The following VAV3 variants were observed in gnomAD, a reference collection of about 807,000 sequenced individuals.
The protein encoded by VAV3 is vav guanine nucleotide exchange factor 3.
Under a neutral mutation model 131.2 loss-of-function variants are expected in VAV3, and 94 were observed. The observed-to-expected ratio is 0.72, with a 90% CI of 0.61 to 0.85. VAV3 has a LOEUF of 0.85. VAV3 is among the 40% of genes least tolerant of loss of function. The probability of loss-of-function intolerance (pLI) is 0.00; values close to 1 mark genes in which losing one functional copy is unlikely to be tolerated. For synonymous variants in VAV3, 349 were observed against 342.0 expected (o/e 1.02, Z -0.22); for missense variants, 939 against 1,002.7 (o/e 0.94, Z 0.86).
Position 107,704,661 on chromosome 1 carries a change from A to G in VAV3, c.1605-11T>C. 1 of 1,605,046 alleles carries G rather than the reference A, an allele frequency of 6.2e-7. No homozygotes were observed. Among genetic ancestry groups the G allele is most frequent in the Non-Finnish European group, 8.5e-7 (1 of 1,173,312 alleles). On this transcript the variant is annotated splice_polypyrimidine_tract_variant and intron_variant, in intron 16 of 26. Transcript: ENST00000370056. Reference sequence around the variant, plus strand: ...TGATAAAATGTTCCCCTGAAAGGTGAAATAAGAAAGTGGTATATTAAACGG... The same window carrying G: ...TGATAAAATGTTCCCCTGAAAGGTGGAATAAGAAAGTGGTATATTAAACGG...
At chr1:107,582,829 T>A (rs1210062138) in intron 25 of VAV3, among the ~76,000 whole-genome samples, 1 of 152,178 alleles carries the variant, frequency 6.6e-6, no homozygotes, top group Non-Finnish European at 1.5e-5. Context: ...ACATTTGGGT[T>A]GGTTCCAAGT....
intron 15 of VAV3, among the ~76,000 whole-genome samples, chr1:107,710,211 T>C (rs559841102): frequency 2.6e-5 from 4 of 152,192 alleles, no homozygotes; most frequent in Non-Finnish European, 5.9e-5. Context: ...AGAACCAATT[T>C]ATGACATCAT....
chr1:107,579,022 G>GTAA (rs1649847376), intron 25 of VAV3, among the ~76,000 whole-genome samples: 2 of 152,142 alleles, frequency 1.3e-5, no homozygotes, highest in Admixed American at 1.3e-4. Context: ...AGGAATAAGG[G>GTAA]TAATACTTGA....
intron 12 of VAV3, among the ~76,000 whole-genome samples, chr1:107,751,477 G>A (rs969227751): frequency 3.3e-5 from 5 of 152,046 alleles, no homozygotes; most frequent in South Asian, 2.1e-4. Flanking sequence ...AGACTCAACC[G>A]GAAGGGTCCA....
chr1:107,590,932 T>C (rs1199663288), intron 25 of VAV3, among the ~76,000 whole-genome samples: 1 of 152,188 alleles, frequency 6.6e-6, no homozygotes, highest in East Asian at 1.9e-4. Context: ...TCAGTGGTCT[T>C]TTAAGACAAT....
intron 20 of VAV3, among the ~76,000 whole-genome samples, chr1:107,642,334 A>G (rs1276771024): frequency 1.3e-5 from 2 of 152,160 alleles, no homozygotes; most frequent in African/African-American, 4.8e-5. Flanking sequence ...CAGTTTACAA[A>G]TGCCATGGCA....
At chr1:107,840,812 A>G (rs933927291) in intron 2 of VAV3, among the ~76,000 whole-genome samples, 1 of 152,188 alleles carries the variant, frequency 6.6e-6, no homozygotes, top group Non-Finnish European at 1.5e-5. Context: ...AGACCAAGAT[A>G]TAAGTACAGC....
At chr1:107,836,908 A>T (rs555332215) in intron 2 of VAV3, among the ~76,000 whole-genome samples, 1 of 151,640 alleles carries the variant, frequency 6.6e-6, no homozygotes, top group South Asian at 2.1e-4. Context: ...CTGAAATTGA[A>T]TCAGTAATAA....
At chr1:107,722,840 C>CTCTTTTTTTT (rs371987024) in intron 15 of VAV3, among the ~76,000 whole-genome samples, 10 of 129,812 alleles carry the variant, frequency 7.7e-5, no homozygotes, top group East Asian at 4.5e-4. Context: ...ATTATCCTCT[C>CTCTTTTTTTT]TTTTTTTTTT....
At chr1:107,871,217 C>A (rs1670238651) in intron 2 of VAV3, among the ~76,000 whole-genome samples, 2 of 152,024 alleles carry the variant, frequency 1.3e-5, no homozygotes, top group African/African-American at 2.4e-5. Flanking sequence ...AAGAAGTTAA[C>A]TAACAAGATT....
intron 25 of VAV3, among the ~76,000 whole-genome samples, chr1:107,592,195 A>T (rs1005723753): frequency 1.3e-5 from 2 of 152,014 alleles, no homozygotes; most frequent in Non-Finnish European, 2.9e-5. Flanking sequence ...TTCTTTAATG[A>T]CACTGAAGGT....
At chr1:107,879,294 A>C (rs553105020) in intron 1 of VAV3, among the ~76,000 whole-genome samples, 1 of 152,200 alleles carries the variant, frequency 6.6e-6, no homozygotes, top group East Asian at 1.9e-4. Flanking sequence ...AGCCAATTAC[A>C]TGAGAAGAAC....
At chr1:107,722,841 T>TTTTTTC (rs1553194880) in intron 15 of VAV3, among the ~76,000 whole-genome samples, 116 of 3,644 alleles carry the variant, frequency 0.032, 2 homozygotes, top group African/African-American at 0.053. Flanking sequence ...TTATCCTCTC[T>TTTTTTC]TTTTTTTTTT....
chr1:107,730,710 A>AG lies in VAV3; in HGVS notation c.1502+18257_1502+18258insC, dbSNP rs1428827459. On this transcript the variant is annotated intron_variant, in intron 15 of 26. Transcript: ENST00000370056. ...AAATATCAAATTCTTACCCAACAGC[A>AG]ATCACTGAAAAATAAGTGCAAGTAT... Among the ~76,000 whole-genome samples the AG allele has an allele frequency of 3.9e-5, 6 of 152,310 alleles. No individual in the cohort carries two copies. In the East Asian group the frequency reaches 1.2e-3, roughly 29 times the overall value.
chr1:107,624,182 T>C (rs1351406579), intron 20 of VAV3, among the ~76,000 whole-genome samples: 1 of 152,148 alleles, frequency 6.6e-6, no homozygotes, highest in Admixed American at 6.6e-5. Context: ...AGCTGTAGAT[T>C]TGAGATGAAT....
At chr1:107,626,641 C>T (rs1654038037) in intron 20 of VAV3, among the ~76,000 whole-genome samples, 1 of 152,166 alleles carries the variant, frequency 6.6e-6, no homozygotes, top group Admixed American at 6.6e-5. Context: ...AACAGCGGGA[C>T]ACTGGGAAAA....
chr1:107,850,513 C>T (rs1164706921), intron 2 of VAV3, among the ~76,000 whole-genome samples: 1 of 149,726 alleles, frequency 6.7e-6, no homozygotes, highest in Non-Finnish European at 1.5e-5. Context: ...TAAATGTGAG[C>T]TGAACAGTGA....
chr1:107,752,617 C>T (rs574151807), intron 12 of VAV3, among the ~76,000 whole-genome samples: 3 of 152,138 alleles, frequency 2.0e-5, no homozygotes, highest in Non-Finnish European at 4.4e-5. Context: ...CAAAAAACAA[C>T]TTGATTCAAA....
intron 2 of VAV3, among the ~76,000 whole-genome samples, chr1:107,871,074 A>G (rs941661143): frequency 2.0e-5 from 3 of 152,204 alleles, no homozygotes; most frequent in African/African-American, 7.2e-5. Context: ...TGACGATTGA[A>G]ACAGTTATGG....
Sources: gnomAD v4.1 joint callset for allele counts (sites outside exome capture counted in the v4.1 genomes callset) on GRCh38, gnomAD v4.1.1 for gene constraint, MANE v1.5 for transcripts, NCBI Gene and HGNC (gene_info 2026-07-23, HGNC 2026-07-21) for gene names.